Variants in SLIT3 observed in about 807,000 individuals in gnomAD.
The protein encoded by SLIT3 is slit guidance ligand 3, also known as slit homolog 3 protein.
Under a neutral mutation model 184.0 loss-of-function variants are expected in SLIT3, and 68 were observed. That is an observed-to-expected ratio of 0.37 (90% CI 0.30 to 0.45). SLIT3 has a LOEUF of 0.45. Among genes scored for constraint, SLIT3 ranks in the 20% least tolerant of loss-of-function variants. SLIT3 has a pLI of 1.00. For missense variants in SLIT3, 1,707 were observed against 2,026.0 expected (o/e 0.84, Z 3.02); for synonymous variants, 831 against 828.6 (o/e 1.00, Z -0.05).
At chr5:169,194,289 A>G (rs1357567806) in intron 3 of SLIT3, among the ~76,000 whole-genome samples, 1 of 150,912 alleles carries the variant, frequency 6.6e-6, no homozygotes, top group Non-Finnish European at 1.5e-5. Flanking sequence ...TAAATGAAAT[A>G]TCAGAGGAAA....
chr5:169,139,662 T>G (rs938864525), intron 4 of SLIT3, among the ~76,000 whole-genome samples: 4 of 152,110 alleles, frequency 2.6e-5, no homozygotes, highest in Non-Finnish European at 5.9e-5. Context: ...AAAACTGCAA[T>G]GAGCAAAATA....
chr5:168,997,022 G>T (rs1755535569), intron 4 of SLIT3, among the ~76,000 whole-genome samples: 1 of 152,164 alleles, frequency 6.6e-6, no homozygotes, highest in Non-Finnish European at 1.5e-5. Flanking sequence ...CCGGGTTAGT[G>T]CACTCTCAAG....
chr5:169,116,622 A>C (rs769691181), intron 4 of SLIT3, among the ~76,000 whole-genome samples: 2 of 152,194 alleles, frequency 1.3e-5, no homozygotes, highest in Non-Finnish European at 2.9e-5. Context: ...TATTATCATC[A>C]CTGATAAGAT....
chr5:168,707,866 G>C lies in SLIT3; in HGVS notation c.2844+110C>G, dbSNP rs1762422161. The C allele has an allele frequency of 9.5e-6, 13 of 1,369,006 alleles. No homozygotes were observed. In the South Asian group the frequency reaches 1.7e-4, roughly 18 times the overall value. 84.8% of individuals were successfully genotyped at this position (1,369,006 alleles called of 1,614,324 possible). Reference sequence around the variant, plus strand: ...TGACCTGTGCGATGGACTCATCCAGGCTGTCCCTTGGAGAAGGGAGGGTAC... The same window carrying C: ...TGACCTGTGCGATGGACTCATCCAGCCTGTCCCTTGGAGAAGGGAGGGTAC... On this transcript the variant is annotated intron_variant, in intron 26 of 35. Coordinates refer to ENST00000519560, the MANE Select transcript of SLIT3 (RefSeq NM_003062.4).
chr5:169,057,955 G>A (rs935761860), intron 4 of SLIT3, among the ~76,000 whole-genome samples: 2 of 152,222 alleles, frequency 1.3e-5, no homozygotes, highest in African/African-American at 4.8e-5. Flanking sequence ...AGAGGCTTAA[G>A]ATCAAGATGA....
At chr5:168,881,613 G>T (rs913363897) in intron 5 of SLIT3, among the ~76,000 whole-genome samples, 1 of 152,144 alleles carries the variant, frequency 6.6e-6, no homozygotes, top group African/African-American at 2.4e-5. Flanking sequence ...ATACCCTGAC[G>T]TTCTGGCAGG....
intron 4 of SLIT3, among the ~76,000 whole-genome samples, chr5:169,025,511 T>C (rs1161589731): frequency 1.3e-5 from 2 of 152,198 alleles, no homozygotes; most frequent in African/African-American, 4.8e-5. Context: ...TCTTGTTCTT[T>C]CATGAACATC....
intron 4 of SLIT3, among the ~76,000 whole-genome samples, chr5:168,897,381 C>T (rs184610282): frequency 9.9e-5 from 15 of 151,696 alleles, no homozygotes; most frequent in Middle Eastern, 3.2e-3. Flanking sequence ...AGTCCATGAA[C>T]GTGTGATCCC....
intron 20 of SLIT3, among the ~76,000 whole-genome samples, chr5:168,736,349 G>A (rs1211512093): frequency 6.6e-6 from 1 of 152,176 alleles, no homozygotes; most frequent in African/African-American, 2.4e-5. Flanking sequence ...GCCTGTGCCA[G>A]GACTCATAAG....
intron 4 of SLIT3, among the ~76,000 whole-genome samples, chr5:168,954,939 C>G (rs1395373590): frequency 1.3e-5 from 2 of 152,168 alleles, no homozygotes; most frequent in Non-Finnish European, 2.9e-5. Context: ...TCAGATTTAG[C>G]CTTACGTCCA....
In SLIT3 at chr5:169,159,793, A is replaced by C. The variant is rs192633720; in HGVS notation, c.413+33686T>G. Among the ~76,000 whole-genome samples the C allele has an allele frequency of 4.7e-4, 72 of 152,324 alleles. 1 individual carries two copies. Among genetic ancestry groups the C allele is most frequent in the Non-Finnish European group, 7.2e-4 (49 of 68,026 alleles). On this transcript the variant is annotated intron_variant, in intron 4 of 35. Coordinates refer to ENST00000519560, the MANE Select transcript of SLIT3 (RefSeq NM_003062.4). ...TCCGTCTCTTAAACAAACAAACAAA[A>C]AAAAGCATGACCCAACTATACGCTA...
At chr5:168,939,302 A>G (rs1404711772) in intron 4 of SLIT3, among the ~76,000 whole-genome samples, 3 of 152,210 alleles carry the variant, frequency 2.0e-5, no homozygotes, top group Non-Finnish European at 4.4e-5. Flanking sequence ...CTGAATCACT[A>G]CATTATAACA....
intron 4 of SLIT3, among the ~76,000 whole-genome samples, chr5:169,055,777 G>C (rs1757980849): frequency 6.6e-6 from 1 of 151,322 alleles, no homozygotes; most frequent in Non-Finnish European, 1.5e-5. Context: ...GTTGCAGTGA[G>C]CCAAGATTGC....
chr5:169,239,094 T>C (rs968930641), intron 3 of SLIT3, among the ~76,000 whole-genome samples: 3 of 152,172 alleles, frequency 2.0e-5, no homozygotes, highest in Non-Finnish European at 2.9e-5. Flanking sequence ...AGATGTTGTG[T>C]ATGTCTTTGG....
At chr5:168,918,817 G>A (rs2113114902) in intron 4 of SLIT3, among the ~76,000 whole-genome samples, 1 of 152,234 alleles carries the variant, frequency 6.6e-6, no homozygotes, top group East Asian at 1.9e-4. Context: ...TTTAATTTAT[G>A]TGTTTCACTT....
intron 10 of SLIT3, among the ~76,000 whole-genome samples, chr5:168,795,234 C>A (rs1315175594): frequency 6.6e-6 from 1 of 152,114 alleles, no homozygotes; most frequent in African/African-American, 2.4e-5. Flanking sequence ...ATTTTCCAGG[C>A]TAATTCGTCT....
At chr5:169,053,419 GCCATTTCTT>G (rs1156759229) in intron 4 of SLIT3, among the ~76,000 whole-genome samples, 3 of 151,900 alleles carry the variant, frequency 2.0e-5, no homozygotes, top group Non-Finnish European at 2.9e-5. Flanking sequence ...TTTTTGTTTT[GCCATTTCTT>G]CCATTTCTTC....
At position 168,753,910 on chromosome 5, in the gene SLIT3, T is replaced by G; in HGVS notation, c.1783A>C (p.Thr595Pro). The G allele has an allele frequency of 4.3e-6, 7 of 1,612,214 alleles. No individual in the cohort carries two copies. The highest frequency in any genetic ancestry group is 5.9e-6 in the Non-Finnish European group (7 of 1,179,992). ...ELMLTGNQLE[T>P]VHGRVFRGLS... ...CCACGGAACACGCGCCCGTGCACGG[T>G]CTCCAGCTGGTTCCCTGTCAGCATC... The change falls in exon 17 of 36, where the codon ACC (threonine) becomes CCC (proline). Residue 595 changes from threonine (T) to proline (P), a missense_variant. By Grantham distance (38) the Thr-to-Pro change is conservative (BLOSUM62 -1). Around this residue, in one of 3 missense-constraint regions of SLIT3, gnomAD observed 1,307 missense variants for 1,511.6 expected, o/e 0.86. Coordinates refer to ENST00000519560, the MANE Select transcript of SLIT3 (RefSeq NM_003062.4).
chr5:169,029,252 G>A (rs147605867), intron 4 of SLIT3, among the ~76,000 whole-genome samples: 4 of 152,282 alleles, frequency 2.6e-5, no homozygotes, highest in Admixed American at 6.5e-5. Flanking sequence ...CACTTTCTCC[G>A]AGAAGACATA....
Sources: allele counts gnomAD v4.1 joint callset (sites outside exome capture counted in the v4.1 genomes callset), GRCh38; gene constraint gnomAD v4.1.1; regional missense constraint gnomAD v4.1.1; transcripts MANE v1.5; gene names NCBI Gene and HGNC (gene_info 2026-07-23, HGNC 2026-07-21).